The following RAI14 variants were observed in gnomAD, a reference collection of about 807,000 sequenced individuals.
RAI14 encodes ankycorbin.
RAI14 carries 45 observed loss-of-function variants against 115.4 expected under a neutral mutation model. That is an observed-to-expected ratio of 0.39 (90% CI 0.31 to 0.50). The LOEUF is 0.50. Ranked by LOEUF, RAI14 falls within the 20% of genes least tolerant of loss-of-function variation. The probability of loss-of-function intolerance (pLI) is 0.85; values close to 1 mark genes in which losing one functional copy is unlikely to be tolerated. For missense variants in RAI14, 939 were observed against 1,131.2 expected (o/e 0.83, Z 2.44); for synonymous variants, 371 against 415.4 (o/e 0.89, Z 1.30).
chr5:34,796,009 A>G lies in RAI14; in HGVS notation c.238A>G (p.Thr80Ala), dbSNP rs1753481116. Residue 80 changes from threonine (T) to alanine (A), a missense_variant, in exon 4 of 18, where the codon ACA becomes GCA. Physicochemically the swap from Thr to Ala is moderately conservative, Grantham distance 58. Transcript: ENST00000265109. ...RVMITHGVDVTAQDTTGHSAL... is the reference protein window; with the variant it reads ...RVMITHGVDVAAQDTTGHSAL... ...CATGATTACACATGGTGTGGATGTG[A>G]CAGCCCAAGATACTACCGGTATGTG... The G allele has an allele frequency of 1.2e-6, 2 of 1,612,104 alleles. No homozygotes were observed. Among genetic ancestry groups the G allele is most frequent in the Admixed American group, 1.7e-5 (1 of 59,986 alleles).
chr5:34,691,686 G>A (rs1038585863), intron 2 of RAI14, among the ~76,000 whole-genome samples: 2 of 152,132 alleles, frequency 1.3e-5, no homozygotes, highest in Admixed American at 1.3e-4. Flanking sequence ...ACGTGATCGA[G>A]GGCTTCACGG....
chr5:34,825,099 AC>A (rs1188350792), intron 15 of RAI14, among the ~76,000 whole-genome samples: 3 of 152,010 alleles, frequency 2.0e-5, no homozygotes, highest in Admixed American at 2.0e-4. Context: ...ATATAGTGAG[AC>A]CCCATCTGTA....
intron 2 of RAI14, among the ~76,000 whole-genome samples, chr5:34,706,529 A>G (rs1453457515): frequency 6.6e-6 from 1 of 152,234 alleles, no homozygotes; most frequent in African/African-American, 2.4e-5. Context: ...ATTCATGTTA[A>G]CATTTGAAAA....
intron 7 of RAI14, among the ~76,000 whole-genome samples, chr5:34,809,967 A>G (rs1180243834): frequency 3.3e-5 from 5 of 152,176 alleles, no homozygotes; most frequent in African/African-American, 1.2e-4. Context: ...ACTGACATGC[A>G]TACACTTATA....
chr5:34,689,395 G>T (rs546979235), intron 2 of RAI14, among the ~76,000 whole-genome samples: 28 of 151,676 alleles, frequency 1.8e-4, no homozygotes, highest in Non-Finnish European at 4.1e-4. Context: ...ACAGAGCAAG[G>T]CCCTGTCTCA....
intron 2 of RAI14, among the ~76,000 whole-genome samples, chr5:34,704,309 G>T (rs886310485): frequency 6.6e-6 from 1 of 152,198 alleles, no homozygotes; most frequent in African/African-American, 2.4e-5. Flanking sequence ...TAAATGGATG[G>T]CTGTAGAGAT....
At chr5:34,817,703 A>T (rs1030283196) in intron 12 of RAI14, among the ~76,000 whole-genome samples, 3 of 152,350 alleles carry the variant, frequency 2.0e-5, no homozygotes, top group East Asian at 3.9e-4. Flanking sequence ...GTTGAATCTG[A>T]AAAGTCATCA....
intron 2 of RAI14, among the ~76,000 whole-genome samples, chr5:34,744,857 C>A (rs1483038880): frequency 6.6e-6 from 1 of 152,188 alleles, no homozygotes; most frequent in African/African-American, 2.4e-5. Flanking sequence ...GCCATGCTCC[C>A]TCCCAAGGTT....
chr5:34,688,033 A>G (rs1377425045), intron 2 of RAI14: 1 of 1,389,828 alleles, frequency 7.2e-7, no homozygotes, highest in Non-Finnish European at 9.6e-7. Flanking sequence ...GGGAAGCGTT[A>G]TGAAAAAAGT....
intron 4 of RAI14, among the ~76,000 whole-genome samples, chr5:34,798,632 G>C (rs1279561927): frequency 6.6e-6 from 1 of 152,080 alleles, no homozygotes; most frequent in East Asian, 1.9e-4. Context: ...ATAACACCCT[G>C]TGGGTAGAGC....
chr5:34,749,510 G>T (rs1746716935), intron 2 of RAI14, among the ~76,000 whole-genome samples: 1 of 152,202 alleles, frequency 6.6e-6, no homozygotes, highest in Non-Finnish European at 1.5e-5. Flanking sequence ...GACACTGCCG[G>T]TTGCCAAATC....
chr5:34,768,516 G>C (rs971866352), intron 3 of RAI14, among the ~76,000 whole-genome samples: 3 of 152,170 alleles, frequency 2.0e-5, no homozygotes, highest in African/African-American at 7.2e-5. Flanking sequence ...GTGGGGATCA[G>C]AGAAGTTCTG....
intron 1 of RAI14, chr5:34,685,945 TGCATTGTTTAGAGAG>T (rs1744820678): frequency 6.6e-6 from 1 of 152,318 alleles, no homozygotes; most frequent in Middle Eastern, 3.4e-3. Context: ...CTGAGAGTCT[TGCATTGTTTAGAGAG>T]GCCCCCTGAG....
At chr5:34,812,145 T>G (rs1192342588) in intron 9 of RAI14, 35 bp from the exon 10 acceptor site, 5 of 1,536,380 alleles carry the variant, frequency 3.3e-6, no homozygotes, top group Non-Finnish European at 4.5e-6. Flanking sequence ...TCATTATGCT[T>G]CTTATAGTTC....
intron 3 of RAI14, among the ~76,000 whole-genome samples, chr5:34,772,994 G>A (rs1050085968): frequency 3.9e-5 from 6 of 152,152 alleles, no homozygotes; most frequent in Non-Finnish European, 5.9e-5. Context: ...CATTGCTGCT[G>A]AAGGGCCCCA....
chr5:34,671,314 A>C (rs1329342118), intron 1 of RAI14, among the ~76,000 whole-genome samples: 1 of 152,224 alleles, frequency 6.6e-6, no homozygotes, highest in Non-Finnish European at 1.5e-5. Flanking sequence ...GGAGTCCATC[A>C]GCCTTTGAGT....
In RAI14 at chr5:34,811,872, C is replaced by T. The variant is rs1371399062; in HGVS notation, c.663C>T (p.Ala221=). Residue 221 remains alanine, a synonymous_variant, in exon 9 of 18, where the codon GCC becomes GCT. Transcript: ENST00000265109. ...LNLVDSLGYN[A]LHYSKLSENA... is the part of the protein sequence containing the mutation. Reference sequence around the variant, plus strand: ...TTGTAGATTCTCTTGGATACAATGCCTTACATTATTCCAAACTCTCAGAAA... The same window carrying T: ...TTGTAGATTCTCTTGGATACAATGCTTTACATTATTCCAAACTCTCAGAAA... 1 of 1,612,764 alleles carries T rather than the reference C, an allele frequency of 6.2e-7. No individual in the cohort carries two copies. The highest frequency in any genetic ancestry group is 8.5e-7 in the Non-Finnish European group (1 of 1,179,194).
rs779476084 is a variant in RAI14 at position 34,711,182 on chromosome 5, CTATT to C, written c.36+24233_36+24236del. On this transcript the variant is annotated intron_variant, in intron 2 of 17. Transcript: ENST00000265109. ...AACAGGCTTTATGTGAGCAACATGG[CTATT>C]TATTTCACCTGGGTGCAGGCGGGTT... Among the ~76,000 whole-genome samples, 4 of 152,280 alleles carry C rather than the reference CTATT, an allele frequency of 2.6e-5. No homozygotes were observed. In the East Asian group the frequency reaches 5.8e-4, roughly 22 times the overall value.
At chr5:34,752,182 C>G (rs373887596) in intron 2 of RAI14, among the ~76,000 whole-genome samples, 10 of 151,014 alleles carry the variant, frequency 6.6e-5, no homozygotes, top group African/African-American at 2.4e-4. Flanking sequence ...GGAAAATTGG[C>G]CTTTTAAAAA....
Sources: gnomAD v4.1 joint callset for allele counts (sites outside exome capture counted in the v4.1 genomes callset) on GRCh38, gnomAD v4.1.1 for gene constraint, MANE v1.5 for transcripts, NCBI Gene and HGNC (gene_info 2026-07-23, HGNC 2026-07-21) for gene names.